The following UGT2B15 variants were observed in gnomAD, a reference collection of about 807,000 sequenced individuals.
UGT2B15 encodes UDP-glucuronosyltransferase 2B15.
In UGT2B15, 36 loss-of-function variants were observed where a neutral mutation model predicts 45.9. That is an observed-to-expected ratio of 0.78 (90% CI 0.60 to 1.04). UGT2B15 has a LOEUF of 1.04. Ranked by LOEUF, UGT2B15 falls within the 50% of genes least tolerant of loss-of-function variation. The pLI, the probability that UGT2B15 is intolerant of heterozygous loss-of-function variation, is 0.00. For missense variants in UGT2B15, 617 were observed against 622.4 expected, an observed-to-expected ratio of 0.99 and a Z score of 0.09; for synonymous variants, 219 against 216.4, an observed-to-expected ratio of 1.01 and a Z score of -0.11.
At chr4:68,649,846 GT>G (rs920081436) in intron 5 of UGT2B15, among the ~76,000 whole-genome samples, 6 of 148,954 alleles carry the variant, frequency 4.0e-5, no homozygotes, top group Non-Finnish European at 7.5e-5. Flanking sequence ...TTGCTTTTTT[GT>G]TTTTTTTTGA....
intron 1 of UGT2B15, 127 bp downstream of exon 1, chr4:68,669,768 A>G (rs1733244931): frequency 2.2e-6 from 3 of 1,334,348 alleles, no homozygotes; most frequent in South Asian, 1.5e-5. Context: ...CTGATAGATC[A>G]TCTTACATTT....
rs76161856 is a variant in UGT2B15 at position 68,669,827 on chromosome 4, T to C, written c.724+68A>G. 2.9e-3 allele frequency: 4,388 copies of C among 1,526,676 alleles called. 91 individuals carry two copies. The African/African-American group carries it at 0.041, about 14-fold the overall frequency. 94.6% of individuals were successfully genotyped at this position (1,526,676 alleles called of 1,614,324 possible). On this transcript the variant is annotated intron_variant, in intron 1 of 5. Transcript: ENST00000338206. ...ACACTATCTTCTGACATTATATTTA[T>C]ATAAGCTCACCTTCAAAGGCACAGA...
chr4:68,668,451 C>A (rs1483666521), intron 1 of UGT2B15, among the ~76,000 whole-genome samples: 1 of 151,932 alleles, frequency 6.6e-6, no homozygotes, highest in African/African-American at 2.4e-5. Flanking sequence ...AATGTAACAT[C>A]AGTATATTCA....
At chr4:68,649,932 A>C (rs1220624597) in intron 5 of UGT2B15, among the ~76,000 whole-genome samples, 1 of 151,596 alleles carries the variant, frequency 6.6e-6, no homozygotes, top group African/African-American at 2.4e-5. Context: ...TCCCGGGTTC[A>C]AGTGATTCTC....
intron 5 of UGT2B15, among the ~76,000 whole-genome samples, chr4:68,650,113 C>T (rs938942854): frequency 5.9e-5 from 9 of 152,038 alleles, no homozygotes; most frequent in East Asian, 3.9e-4. Context: ...GGATTACGGG[C>T]GTGAGTCACT....
chr4:68,663,435 C>G (rs1053497919), intron 2 of UGT2B15, among the ~76,000 whole-genome samples: 1 of 151,992 alleles, frequency 6.6e-6, no homozygotes, highest in Non-Finnish European at 1.5e-5. Context: ...AAATGTTACA[C>G]CCAGACACTT....
At chr4:68,655,940 C>T (rs1166680662) in intron 3 of UGT2B15, among the ~76,000 whole-genome samples, 1 of 151,984 alleles carries the variant, frequency 6.6e-6, no homozygotes, top group African/African-American at 2.4e-5. Context: ...GTGGAGGTTC[C>T]CTGACCTTTG....
chr4:68,649,271 A>ATTTT (rs1578193042), intron 5 of UGT2B15, among the ~76,000 whole-genome samples: 1 of 94,086 alleles, frequency 1.1e-5, no homozygotes, highest in African/African-American at 4.4e-5. Flanking sequence ...ATTTCATATA[A>ATTTT]TCTTTTTTTT....
At chr4:68,667,349 T>C (rs1325756234) in intron 2 of UGT2B15, among the ~76,000 whole-genome samples, 1 of 151,966 alleles carries the variant, frequency 6.6e-6, no homozygotes, top group African/African-American at 2.4e-5. Context: ...TTTTATTTTT[T>C]ATTTTTGTTA....
chr4:68,668,071 A>G lies in UGT2B15; in HGVS notation c.842T>C (p.Leu281Pro). 6.2e-7 allele frequency: 1 copy of G among 1,613,998 alleles called. No homozygotes were observed. Among genetic ancestry groups the G allele is most frequent in the Non-Finnish European group, 8.5e-7 (1 of 1,179,926 alleles). The change falls in exon 2 of 6, where the codon CTT (leucine) becomes CCT (proline). Residue 281 changes from leucine (L) to proline (P), a missense_variant. This residue lies in a region of UGT2B15 where 351 missense variants were observed against 342.1 expected (regional missense o/e 1.03). Transcript: ENST00000338206. The part of the protein sequence containing the change: ...FLPNVDFVGG[L>P]HCKPAKPLPK... ...CAGGGGTTTGGCTGGTTTACAGTGA[A>G]GTCCTCCAACAAAATCAACATTTGG... is the stretch of plus-strand genomic sequence containing the variant.
At chr4:68,653,553 C>A (rs1454350251) in intron 5 of UGT2B15, among the ~76,000 whole-genome samples, 1 of 151,782 alleles carries the variant, frequency 6.6e-6, no homozygotes, top group African/African-American at 2.4e-5. Flanking sequence ...AGGGCTGTGG[C>A]TTTGTAACTA....
At chr4:68,669,379 C>T (rs1415138231) in intron 1 of UGT2B15, among the ~76,000 whole-genome samples, 1 of 152,018 alleles carries the variant, frequency 6.6e-6, no homozygotes, top group Non-Finnish European at 1.5e-5. Context: ...AAGTTTTAGG[C>T]TTCTGTTTCT....
rs1232935283 is a variant in UGT2B15, at chr4:68,653,817, A to T, written c.1313+220T>A. 2.0e-5 allele frequency among the ~76,000 whole-genome samples: 3 copies of T among 151,804 alleles called. No individual in the cohort carries two copies. The East Asian group carries it at 5.8e-4, about 29-fold the overall frequency. On this transcript the variant is annotated intron_variant, in intron 5 of 5. Coordinates refer to ENST00000338206, the MANE Select transcript of UGT2B15 (RefSeq NM_001076.4). ...TATCTACATATCTTTAATTTTTTTG[A>T]TTTTATAATTCATTGCAGTCATTGG...
chr4:68,653,602 T>G (rs1732715174), intron 5 of UGT2B15, among the ~76,000 whole-genome samples: 1 of 151,974 alleles, frequency 6.6e-6, no homozygotes, highest in Non-Finnish European at 1.5e-5. Flanking sequence ...TAAATTTTAG[T>G]GAATGTTATG....
Position 68,653,520 on chromosome 4 carries a change from T to C in UGT2B15, c.1313+517A>G, listed in dbSNP as rs140818564. On this transcript the variant is annotated intron_variant, in intron 5 of 5. Coordinates refer to ENST00000338206, the MANE Select transcript of UGT2B15 (RefSeq NM_001076.4). ...TGACTTCATACATTATGAGTTTAAT[T>C]TGAATTCATTAAAATGTTCTTTAGG... Among the ~76,000 whole-genome samples, 254 of 152,116 alleles carry C rather than the reference T, an allele frequency of 1.7e-3. 4 individuals are homozygous for C. The East Asian group carries it at 0.041, about 24-fold the overall frequency.
intron 2 of UGT2B15, among the ~76,000 whole-genome samples, chr4:68,666,643 T>A (rs1733128507): frequency 6.6e-6 from 1 of 151,714 alleles, no homozygotes; most frequent in African/African-American, 2.4e-5. Context: ...TGGGATTTTT[T>A]AAAAGGAAAT....
intron 5 of UGT2B15, among the ~76,000 whole-genome samples, chr4:68,652,705 A>G (rs12510404): frequency 0.19 from 26,416 of 140,876 alleles, 2,907 homozygotes; most frequent in Non-Finnish European, 0.26. Flanking sequence ...TTCAAAAGGC[A>G]TCTTCCAAAA....
intron 2 of UGT2B15, among the ~76,000 whole-genome samples, chr4:68,665,329 T>A (rs1437710414): frequency 6.6e-6 from 1 of 152,224 alleles, no homozygotes; most frequent in Non-Finnish European, 1.5e-5. Context: ...CTACTCATCA[T>A]TTTGTTCCTT....
At position 68,670,545 on chromosome 4, in the gene UGT2B15, T is replaced by G; in HGVS notation, c.74A>C (p.Lys25Thr). Residue 25 changes from lysine to threonine, a missense_variant, in exon 1 of 6, where the codon AAG (lysine) becomes ACG (threonine). By Grantham distance (78) the Lys-to-Thr change is moderately conservative. Transcript: ENST00000338206. ...SCYFSSGSCG[K>T]VLVWPTEYSH... ...GTATTCTGTGGGCCACACTAGCACC[T>G]TTCCACAGCTTCCAGAGCTAAAGTA... 6.2e-7 allele frequency: 1 copy of G among 1,607,170 alleles called. No homozygotes were observed. Among genetic ancestry groups the G allele is most frequent in the Non-Finnish European group, 8.5e-7 (1 of 1,178,588 alleles).
Sources: allele counts gnomAD v4.1 joint callset (sites outside exome capture counted in the v4.1 genomes callset), GRCh38; gene constraint gnomAD v4.1.1; regional missense constraint gnomAD v4.1.1; transcripts MANE v1.5; gene names NCBI Gene and HGNC (gene_info 2026-07-23, HGNC 2026-07-21).